The following EEF1G variants were observed in gnomAD, a reference collection of about 807,000 sequenced individuals.
EEF1G encodes the protein eukaryotic translation elongation factor 1 gamma, also known as elongation factor 1-gamma.
EEF1G carries 14 observed loss-of-function variants against 58.3 expected under a neutral mutation model. That is an observed-to-expected ratio of 0.24 (90% CI 0.16 to 0.38). EEF1G has a LOEUF of 0.38. EEF1G is among the 10% of genes least tolerant of loss of function. EEF1G has a pLI of 1.00. For missense variants in EEF1G, 322 were observed against 550.1 expected, an observed-to-expected ratio of 0.59 and a Z score of 4.15; for synonymous variants, 180 against 206.8, an observed-to-expected ratio of 0.87 and a Z score of 1.11.
intron 7 of EEF1G, among the ~76,000 whole-genome samples, chr11:62,565,829 G>A (rs1590708618): frequency 6.6e-6 from 1 of 152,174 alleles, no homozygotes; most frequent in Non-Finnish European, 1.5e-5. Context: ...CCATCTATTA[G>A]TGCAATGCTT....
chr11:62,570,815 C>A (rs1012275976), intron 5 of EEF1G, 150 bp downstream of exon 5: 19 of 1,071,022 alleles, frequency 1.8e-5, no homozygotes, highest in Non-Finnish European at 2.6e-5. Flanking sequence ...CTCGGCCCCC[C>A]AGTGTGCTCG....
chr11:62,565,778 T>C (rs1941548473), intron 7 of EEF1G, among the ~76,000 whole-genome samples: 1 of 152,180 alleles, frequency 6.6e-6, no homozygotes. Context: ...TTGTACAAAA[T>C]ACCCGGGAGT....
rs375243177 is a variant in EEF1G, at chr11:62,560,403, G to A, written c.909C>T (p.Leu303=). The A allele has an allele frequency of 6.2e-7, 1 of 1,609,816 alleles. No individual in the cohort carries two copies. The highest frequency in any genetic ancestry group is 8.5e-7 in the Non-Finnish European group (1 of 1,177,988). ...CCCAGAAATATGGCAGTGCCACAGA[G>A]AGTGTGTCCTCATTGGAGTACTTGC... ...FKRKYSNEDT[L]SVALPYFWEH... is the part of the protein sequence containing the mutation. Residue 303 remains leucine, a synonymous_variant, in exon 8 of 10, where the codon CTC becomes CTT. Transcript: ENST00000329251.
intron 4 of EEF1G, 28 bp from the exon 5 acceptor site, chr11:62,571,136 C>T: frequency 6.2e-7 from 1 of 1,613,678 alleles, no homozygotes; most frequent in Non-Finnish European, 8.5e-7. Flanking sequence ...TAAAACTCAT[C>T]AGTGGGTACC....
chr11:62,567,625 A>C, intron 5 of EEF1G, 97 bp from the exon 6 acceptor site: 1 of 1,285,084 alleles, frequency 7.8e-7, no homozygotes, highest in Non-Finnish European at 1.0e-6. Flanking sequence ...CCCAGTGCTC[A>C]CCTTCTTTTC....
chr11:62,561,248 A>G (rs1426739641), intron 7 of EEF1G, among the ~76,000 whole-genome samples: 1 of 152,146 alleles, frequency 6.6e-6, no homozygotes, highest in African/African-American at 2.4e-5. Flanking sequence ...TCTACTAAAA[A>G]TACAAAAATT....
Position 62,563,106 on chromosome 11 carries a change from CA to C in EEF1G, c.858-2653del, listed in dbSNP as rs371400023. ...GCCTGGGAGAAGAGCAAGACCCTGT[CA>C]AAAAAACAAAACAATCCTTTTTTTT... On this transcript the variant is annotated intron_variant, in intron 7 of 9. Coordinates refer to ENST00000329251, the MANE Select transcript of EEF1G (RefSeq NM_001404.5). Among the ~76,000 whole-genome samples the C allele has an allele frequency of 3.1e-3, 471 of 150,290 alleles. 5 individuals are homozygous for C. Among genetic ancestry groups the C allele is most frequent in the African/African-American group, 0.011 (454 of 41,044 alleles).
chr11:62,565,086 C>CA lies in EEF1G; in HGVS notation c.857+1719dup, dbSNP rs943790473. 3.0e-4 allele frequency among the ~76,000 whole-genome samples: 44 copies of CA among 146,130 alleles called. No individual in the cohort carries two copies. The South Asian group carries it at 3.3e-3, about 11-fold the overall frequency. On this transcript the variant is annotated intron_variant, in intron 7 of 9. Transcript: ENST00000329251. Reference sequence around the variant, plus strand: ...AGACTCTGTCTCCAAACAAACAAACCAAAAAAAAACAAAAAACACAAAAAG... The same window carrying CA: ...AGACTCTGTCTCCAAACAAACAAACCAAAAAAAAAACAAAAAACACAAAAAG...
chr11:62,570,375 A>T (rs897305008), intron 5 of EEF1G, among the ~76,000 whole-genome samples: 6 of 152,256 alleles, frequency 3.9e-5, no homozygotes, highest in African/African-American at 1.2e-4. Context: ...CTCCAAAAAG[A>T]TCTTAATGCT....
At chr11:62,567,725 G>C (rs1474842082) in intron 5 of EEF1G, among the ~76,000 whole-genome samples, 197 bp from the exon 6 acceptor site, 2 of 140,376 alleles carry the variant, frequency 1.4e-5, no homozygotes, top group Admixed American at 7.1e-5. Context: ...TTTTTTTTGA[G>C]ACAGAGTCTC....
chr11:62,564,858 G>A (rs970929750), intron 7 of EEF1G, among the ~76,000 whole-genome samples: 1 of 149,956 alleles, frequency 6.7e-6, no homozygotes, highest in South Asian at 2.1e-4. Flanking sequence ...ACGAGGTCAA[G>A]AGATTGAGAC....
intron 7 of EEF1G, among the ~76,000 whole-genome samples, chr11:62,565,101 A>C (rs1292128444): frequency 6.6e-6 from 1 of 151,660 alleles, no homozygotes; most frequent in East Asian, 1.9e-4. Flanking sequence ...AAAAACAAAA[A>C]ACACAAAAAG....
rs537780043 is a variant in EEF1G at position 62,560,125 on chromosome 11, T to A, written c.1099A>T (p.Asn367Tyr). The stretch of plus-strand genomic sequence containing the variant: ...CAGACTCCAGAAATGGAGCTGCTAT[T>A]GTTGGTTCCAAAAAGGATGACACTG... ...FASVILFGTN[N>Y]SSSISGVWVF... Residue 367 changes from asparagine (N) to tyrosine (Y), a missense_variant, in exon 9 of 10, where the codon AAT (asparagine) becomes TAT (tyrosine). Physicochemically the swap from Asn to Tyr is moderately radical, Grantham distance 143 (BLOSUM62 -2). Around this residue, in one of 3 missense-constraint regions of EEF1G, gnomAD observed 208 missense variants for 323.7 expected, o/e 0.64. Transcript: ENST00000329251. 2.8e-5 allele frequency: 45 copies of A among 1,613,916 alleles called. No homozygotes were observed. Among genetic ancestry groups the A allele is most frequent in the Non-Finnish European group, 3.7e-5 (44 of 1,179,888 alleles).
At chr11:62,561,781 T>C (rs1941500107) in intron 7 of EEF1G, among the ~76,000 whole-genome samples, 1 of 152,112 alleles carries the variant, frequency 6.6e-6, no homozygotes, top group South Asian at 2.1e-4. Flanking sequence ...ACTTTGAATC[T>C]TCCCTGTTTG....
At chr11:62,573,343 G>A (rs1375599012) in intron 1 of EEF1G, 1 of 168,486 alleles carries the variant, frequency 5.9e-6, no homozygotes, top group African/African-American at 2.4e-5. Flanking sequence ...CCCCGGCGTT[G>A]GGCTTCTCTA....
At chr11:62,568,771 G>A (rs1446853011) in intron 5 of EEF1G, among the ~76,000 whole-genome samples, 1 of 151,510 alleles carries the variant, frequency 6.6e-6, no homozygotes, top group Admixed American at 6.6e-5. Flanking sequence ...TCAGGAGTTC[G>A]AGACCAGCCT....
Position 62,567,436 on chromosome 11 carries a change from G to A in EEF1G, c.615C>T (p.Gly205=), listed in dbSNP as rs1061093. The A allele has an allele frequency of 1.6e-5, 25 of 1,611,656 alleles. No individual in the cohort carries two copies. The highest frequency in any genetic ancestry group is 1.5e-4 in the African/African-American group (11 of 74,908). Residue 205 remains glycine, a synonymous_variant, in exon 6 of 10, where the codon GGC becomes GGT. Coordinates refer to ENST00000329251, the MANE Select transcript of EEF1G (RefSeq NM_001404.5). The part of the protein sequence containing the change: ...INQPQFRAVL[G]EVKLCEKMAQ... Reference sequence around the variant, plus strand: ...CCATCTTCTCACACAGTTTCACTTCGCCCAAGACAGCCCGGAACTGGGGCT... The same window carrying A: ...CCATCTTCTCACACAGTTTCACTTCACCCAAGACAGCCCGGAACTGGGGCT...
In EEF1G at chr11:62,560,332, C is replaced by T. The variant is rs756104285; in HGVS notation, c.980G>A (p.Arg327His). 2 of 1,610,866 alleles carry T rather than the reference C, an allele frequency of 1.2e-6. No homozygotes were observed. Among genetic ancestry groups the T allele is most frequent in the South Asian group, 1.1e-5 (1 of 90,470 alleles). ...DGWSLWYSEY[R>H]FPEELTQTFM... is the part of the protein sequence containing the mutation. ...GGTCTGAGTGAGTTCTTCAGGGAAG[C>T]GATACTCTGAGTACCACAGGGACCA... Residue 327 changes from arginine to histidine, a missense_variant, in exon 8 of 10, where the codon CGC becomes CAC. Coordinates refer to ENST00000329251, the MANE Select transcript of EEF1G (RefSeq NM_001404.5).
At position 62,560,575 on chromosome 11, in the gene EEF1G, A is replaced by C. The variant is rs1941482066; in HGVS notation, c.858-121T>G. The C allele has an allele frequency of 8.9e-6, 10 of 1,124,266 alleles. No homozygotes were observed. The South Asian group carries it at 1.5e-4, about 17-fold the overall frequency. The allele number at this position is 1,124,266 out of a possible 1,614,324, so 69.6% of individuals were successfully genotyped here. On this transcript the variant is annotated intron_variant, in intron 7 of 9. Transcript: ENST00000329251. ...AAGGAAATGGTCATTGTGCTGGCAG[A>C]TGTGTATGACCTTATGAGGGAAGTA...
Sources: allele counts gnomAD v4.1 joint callset (sites outside exome capture counted in the v4.1 genomes callset), GRCh38; gene constraint gnomAD v4.1.1; regional missense constraint gnomAD v4.1.1; transcripts MANE v1.5; gene names NCBI Gene and HGNC (gene_info 2026-07-23, HGNC 2026-07-21).